Variants in RGS8 observed in about 807,000 individuals in gnomAD.
The protein encoded by RGS8 is regulator of G-protein signaling 8.
In RGS8, 8 loss-of-function variants were observed where a neutral mutation model predicts 21.7. The ratio of observed to expected loss-of-function variants is 0.37; its 90% CI spans 0.22 to 0.66. RGS8 has a LOEUF of 0.66. RGS8 is among the 30% of genes least tolerant of loss of function. The probability of loss-of-function intolerance (pLI) is 0.59; values close to 1 mark genes in which losing one functional copy is unlikely to be tolerated. For synonymous variants in RGS8, 80 were observed against 83.6 expected (o/e 0.96, Z 0.24); for missense variants, 157 against 217.9 (o/e 0.72, Z 1.76).
the RGS8 span, among the ~76,000 whole-genome samples, chr1:182,703,522 G>A: frequency 1.3e-5 from 2 of 152,086 alleles, no homozygotes; most frequent in Non-Finnish European, 2.9e-5. Flanking sequence ...CACAACTTCA[G>A]GGGTTTTGTG....
exon 3 of RGS8, chr1:182,669,672 C>A (rs1258282010): frequency 6.2e-7 from 1 of 1,614,044 alleles, no homozygotes; most frequent in African/African-American, 1.3e-5. Flanking sequence ...TTACGGTTAA[C>A]CCTTGGGCTG....
At chr1:182,678,029 A>G (rs1664423947) in intron 1 of RGS8, among the ~76,000 whole-genome samples, 1 of 152,236 alleles carries the variant, frequency 6.6e-6, no homozygotes, top group Non-Finnish European at 1.5e-5. Context: ...AAAATAATAC[A>G]GTGCAATTGA....
the RGS8 span, chr1:182,734,372 G>C: frequency 1.3e-5 from 2 of 152,196 alleles, no homozygotes; most frequent in Non-Finnish European, 2.9e-5. Flanking sequence ...AATGCATAGT[G>C]CATAGTAGCA....
At chr1:182,738,137 T>C in the RGS8 span, among the ~76,000 whole-genome samples, 1 of 152,274 alleles carries the variant, frequency 6.6e-6, no homozygotes, top group Non-Finnish European at 1.5e-5. Context: ...TAATTCATTA[T>C]ATATTCATTA....
chr1:182,716,757 GT>G, the RGS8 span, among the ~76,000 whole-genome samples: 1 of 152,106 alleles, frequency 6.6e-6, no homozygotes, highest in African/African-American at 2.4e-5. Flanking sequence ...GGGGACCTGA[GT>G]TTGAATTCCG....
intron 1 of RGS8, among the ~76,000 whole-genome samples, chr1:182,678,668 A>G (rs1396267390): frequency 6.6e-6 from 1 of 152,200 alleles, no homozygotes; most frequent in Non-Finnish European, 1.5e-5. Context: ...ATATGTTAAC[A>G]CTGGACAAGG....
chr1:182,705,223 T>C, the RGS8 span, among the ~76,000 whole-genome samples: 1 of 152,150 alleles, frequency 6.6e-6, no homozygotes, highest in Non-Finnish European at 1.5e-5. Flanking sequence ...CCATGACACA[T>C]GGTAAAAACC....
chr1:182,721,009 ATATATACACATATATATGTGTG>A, the RGS8 span, among the ~76,000 whole-genome samples: 11 of 94,098 alleles, frequency 1.2e-4, no homozygotes, highest in African/African-American at 4.8e-4. Flanking sequence ...GTATATATAC[ATATATACACATATATATGTGTG>A]TATATATACA....
the RGS8 span, among the ~76,000 whole-genome samples, chr1:182,699,916 G>A: frequency 6.6e-6 from 1 of 152,134 alleles, no homozygotes; most frequent in African/African-American, 2.4e-5. Flanking sequence ...GAGGTCTCAC[G>A]GCAAATTTAA....
the RGS8 span, among the ~76,000 whole-genome samples, chr1:182,742,694 G>A: frequency 1.5e-4 from 23 of 152,258 alleles, no homozygotes; most frequent in South Asian, 8.3e-4. Flanking sequence ...CAGCAGTACC[G>A]TCCAGCTTTG....
chr1:182,747,043 C>CTTTTTTTTTTTT, the RGS8 span, among the ~76,000 whole-genome samples: 266 of 21,050 alleles, frequency 0.013, 102 homozygotes, highest in Non-Finnish European at 0.018. Flanking sequence ...CACTGCTGGT[C>CTTTTTTTTTTTT]TTTTTTTTTT....
At chr1:182,649,905 CTTTT>C (rs920729497) in intron 5 of RGS8, among the ~76,000 whole-genome samples, 12 of 128,488 alleles carry the variant, frequency 9.3e-5, no homozygotes, top group Non-Finnish European at 1.5e-4. Context: ...GTTAACAACT[CTTTT>C]TTTTTTTTTT....
At chr1:182,741,050 G>A in the RGS8 span, among the ~76,000 whole-genome samples, 1 of 150,622 alleles carries the variant, frequency 6.6e-6, no homozygotes, top group Non-Finnish European at 1.5e-5. Flanking sequence ...ATCATGGCCC[G>A]TTCTCAATGA....
At chr1:182,720,880 TATATATATACAC>T in the RGS8 span, among the ~76,000 whole-genome samples, 122 of 125,204 alleles carry the variant, frequency 9.7e-4, 1 homozygote, top group Non-Finnish European at 1.6e-3. Flanking sequence ...CACATATATG[TATATATATACAC>T]ATATATATAC....
At chr1:182,733,540 A>T in the RGS8 span, among the ~76,000 whole-genome samples, 410 of 152,334 alleles carry the variant, frequency 2.7e-3, no homozygotes, top group Non-Finnish European at 4.4e-3. Context: ...TTAGGCCAGG[A>T]TAGGGCTGGA....
chr1:182,701,085 G>C, the RGS8 span, among the ~76,000 whole-genome samples: 1 of 152,176 alleles, frequency 6.6e-6, no homozygotes, highest in African/African-American at 2.4e-5. Flanking sequence ...GTGACATTTA[G>C]GTCCTCTTCT....
At chr1:182,739,519 T>A in the RGS8 span, among the ~76,000 whole-genome samples, 1 of 152,132 alleles carries the variant, frequency 6.6e-6, no homozygotes, top group African/African-American at 2.4e-5. Flanking sequence ...GGGGTTTCTT[T>A]TAAGAGGAAA....
At chr1:182,659,355 C>G (rs1159812116) in intron 5 of RGS8, among the ~76,000 whole-genome samples, 1 of 152,220 alleles carries the variant, frequency 6.6e-6, no homozygotes, top group Non-Finnish European at 1.5e-5. Context: ...GTCCCCCTAA[C>G]AGGGTGAAGG....
the RGS8 span, among the ~76,000 whole-genome samples, chr1:182,732,267 T>TCACACACACA: frequency 8.7e-3 from 1,153 of 133,032 alleles, 8 homozygotes; most frequent in African/African-American, 0.017. Context: ...TCGCTCTCTC[T>TCACACACACA]CTCATACACA....
Sources: gnomAD v4.1 joint callset for allele counts (sites outside exome capture counted in the v4.1 genomes callset) on GRCh38, gnomAD v4.1.1 for gene constraint, MANE v1.5 for transcripts, NCBI Gene and HGNC (gene_info 2026-07-23, HGNC 2026-07-21) for gene names.